Variants in ERBB4 observed in about 807,000 individuals in gnomAD.
ERBB4 encodes the protein receptor tyrosine-protein kinase erbB-4.
ERBB4 carries 42 observed loss-of-function variants against 158.0 expected under a neutral mutation model. That is an observed-to-expected ratio of 0.27 (90% CI 0.21 to 0.34). The LOEUF is 0.34. Among genes scored for constraint, ERBB4 ranks in the 10% least tolerant of loss-of-function variants. ERBB4 has a pLI of 1.00. For missense variants in ERBB4, 1,333 were observed against 1,624.1 expected (o/e 0.82, Z 3.08); for synonymous variants, 583 against 558.7 (o/e 1.04, Z -0.61).
At chr2:211,873,964 G>A (rs73989221) in intron 3 of ERBB4, among the ~76,000 whole-genome samples, 2,191 of 152,108 alleles carry the variant, frequency 0.014, 63 homozygotes, top group African/African-American at 0.051. Context: ...TTCTTCCAAA[G>A]TCATTAAGAT....
At chr2:212,382,085 CTATAAA>C (rs1262610759) in intron 1 of ERBB4, among the ~76,000 whole-genome samples, 1 of 150,568 alleles carries the variant, frequency 6.6e-6, no homozygotes, top group African/African-American at 2.4e-5. Flanking sequence ...CTGCATTTCA[CTATAAA>C]TATATATTAT....
intron 27 of ERBB4, among the ~76,000 whole-genome samples, 164 bp downstream of exon 27, chr2:211,386,689 T>A (rs951706701): frequency 2.0e-5 from 3 of 152,200 alleles, no homozygotes; most frequent in African/African-American, 7.2e-5. Flanking sequence ...ATAATGTGGA[T>A]GCTGCTGATT....
At chr2:211,428,057 G>C (rs185293922) in intron 22 of ERBB4, among the ~76,000 whole-genome samples, 185 of 151,856 alleles carry the variant, frequency 1.2e-3, no homozygotes, top group Non-Finnish European at 1.9e-3. Flanking sequence ...GCCTGTCGGT[G>C]GATGGAGGGC....
intron 1 of ERBB4, among the ~76,000 whole-genome samples, chr2:212,523,019 A>G (rs940072476): frequency 3.9e-5 from 6 of 151,986 alleles, no homozygotes; most frequent in Non-Finnish European, 8.8e-5. Flanking sequence ...GGGAACCAAA[A>G]ATAATGTTAA....
At chr2:211,611,363 C>A (rs1436935349) in intron 19 of ERBB4, among the ~76,000 whole-genome samples, 1 of 149,910 alleles carries the variant, frequency 6.7e-6, no homozygotes, top group Non-Finnish European at 1.5e-5. Flanking sequence ...ATAAGACACC[C>A]AAGCCAGAAA....
intron 3 of ERBB4, among the ~76,000 whole-genome samples, chr2:211,851,190 A>C (rs985216469): frequency 2.0e-5 from 3 of 152,006 alleles, no homozygotes; most frequent in African/African-American, 7.2e-5. Flanking sequence ...ATGGAACTCC[A>C]TAGAAGAAAC....
intron 3 of ERBB4, among the ~76,000 whole-genome samples, chr2:211,935,195 TAGAA>T (rs2080286860): frequency 6.6e-6 from 1 of 152,180 alleles, no homozygotes; most frequent in Non-Finnish European, 1.5e-5. Flanking sequence ...ATCTTCAAAA[TAGAA>T]AGAATCATAG....
chr2:211,904,182 G>A (rs180768628), intron 3 of ERBB4, among the ~76,000 whole-genome samples: 446 of 152,142 alleles, frequency 2.9e-3, no homozygotes, highest in Non-Finnish European at 4.6e-3. Flanking sequence ...TTTAGCAGCT[G>A]TGAAAGCAAC....
chr2:212,245,901 G>A (rs2084290260), intron 1 of ERBB4, among the ~76,000 whole-genome samples: 1 of 152,052 alleles, frequency 6.6e-6, no homozygotes, highest in African/African-American at 2.4e-5. Context: ...AAAAATTCAG[G>A]GATAATGTAT....
At chr2:211,437,458 G>A (rs767414755) in intron 20 of ERBB4, among the ~76,000 whole-genome samples, 41 of 152,144 alleles carry the variant, frequency 2.7e-4, no homozygotes, top group Non-Finnish European at 5.1e-4. Context: ...TGGTATTGAC[G>A]AAAACCTAGC....
chr2:211,545,695 C>CT (rs2066922847), intron 20 of ERBB4, among the ~76,000 whole-genome samples: 1 of 151,968 alleles, frequency 6.6e-6, no homozygotes, highest in African/African-American at 2.4e-5. Flanking sequence ...TGCTAATGTG[C>CT]TTGCTTGGGG....
At chr2:212,045,262 C>A (rs2077233062) in intron 2 of ERBB4, among the ~76,000 whole-genome samples, 1 of 152,076 alleles carries the variant, frequency 6.6e-6, no homozygotes, top group South Asian at 2.1e-4. Context: ...GGGTTTGAGA[C>A]CAGCCTGGCC....
chr2:212,275,763 C>T (rs1305389193), intron 1 of ERBB4, among the ~76,000 whole-genome samples: 1 of 151,800 alleles, frequency 6.6e-6, no homozygotes, highest in Non-Finnish European at 1.5e-5. Context: ...AAAGAAACTG[C>T]ATCAACTAAC....
chr2:212,404,173 C>T (rs1252830696), intron 1 of ERBB4, among the ~76,000 whole-genome samples: 1 of 151,980 alleles, frequency 6.6e-6, no homozygotes, highest in African/African-American at 2.4e-5. Context: ...AACTATAATA[C>T]ACCCTCAGTT....
chr2:211,520,010 C>A (rs2066145088), intron 20 of ERBB4, among the ~76,000 whole-genome samples: 1 of 152,124 alleles, frequency 6.6e-6, no homozygotes, highest in Non-Finnish European at 1.5e-5. Flanking sequence ...GAGGGGAAGC[C>A]TTTAATATAC....
At position 211,513,376 on chromosome 2, in the gene ERBB4, A is replaced by C. The variant is rs1227629823; in HGVS notation, c.2487+48527T>G. Among the ~76,000 whole-genome samples the C allele has an allele frequency of 9.9e-5, 6 of 60,470 alleles. No individual in the cohort carries two copies. The South Asian group carries it at 1.9e-3, about 19-fold the overall frequency. The allele number at this position is 60,470 out of a possible 152,430, so 39.7% of individuals were successfully genotyped here. On this transcript the variant is annotated intron_variant, in intron 20 of 27. Transcript: ENST00000342788. Reference sequence around the variant, plus strand: ...CCGTCTCAAAAAAAAAAAAAAAAAAACAAAAAAAAAACACTGATCCTAGAA... The same window carrying C: ...CCGTCTCAAAAAAAAAAAAAAAAAACCAAAAAAAAAACACTGATCCTAGAA...
In ERBB4 at chr2:211,380,848, CA is replaced by C; in HGVS notation, c.*2766del. On this transcript the variant is annotated 3_prime_UTR_variant, in exon 28 of 28. Transcript: ENST00000342788. ...ACTAAATACATTTCTGTTACCTTAA[CA>C]GTTAAAAGTTTGTTTTAACTATTCA... The C allele has an allele frequency of 4.3e-6, 1 of 231,750 alleles. No individual in the cohort carries two copies. The highest frequency in any genetic ancestry group is 2.2e-5 in the African/African-American group (1 of 45,352). 14.4% of individuals were successfully genotyped at this position (231,750 alleles called of 1,614,324 possible).
chr2:212,014,777 G>A (rs960421496), intron 2 of ERBB4, among the ~76,000 whole-genome samples: 1 of 151,838 alleles, frequency 6.6e-6, no homozygotes, highest in East Asian at 1.9e-4. Flanking sequence ...TCTTAAACAT[G>A]TAGCTGGCAT....
At chr2:211,968,481 G>A (rs2081363876) in intron 2 of ERBB4, among the ~76,000 whole-genome samples, 1 of 152,020 alleles carries the variant, frequency 6.6e-6, no homozygotes, top group Non-Finnish European at 1.5e-5. Flanking sequence ...AGCAGAATAT[G>A]AAATACATAA....
Sources: allele counts gnomAD v4.1 joint callset (sites outside exome capture counted in the v4.1 genomes callset), GRCh38; gene constraint gnomAD v4.1.1; transcripts MANE v1.5; gene names NCBI Gene and HGNC (gene_info 2026-07-23, HGNC 2026-07-21).